NLRP1: variants seen among roughly 807,000 people sequenced by gnomAD.
NLRP1 encodes NLR family pyrin domain containing 1, also known as NACHT, LRR and PYD domains-containing protein 1.
A neutral mutation model predicts 136.7 loss-of-function variants in NLRP1; 94 were observed. The observed-to-expected ratio is 0.69, with a 90% CI of 0.58 to 0.82. The LOEUF (loss-of-function observed/expected upper bound fraction) is 0.82. Ranked by LOEUF, NLRP1 falls within the 40% of genes least tolerant of loss-of-function variation. The pLI, the probability that NLRP1 is intolerant of heterozygous loss-of-function variation, is 0.00. For synonymous variants in NLRP1, 690 were observed against 725.1 expected (o/e 0.95, Z 0.78); for missense variants, 1,575 against 1,802.7 (o/e 0.87, Z 2.29).
chr17:5,559,639 T>C lies in NLRP1; in HGVS notation c.1057A>G (p.Arg353Gly), dbSNP rs1914501914. 7 of 1,614,170 alleles carry C rather than the reference T, an allele frequency of 4.3e-6. No homozygotes were observed. Among genetic ancestry groups the C allele is most frequent in the Non-Finnish European group, 5.9e-6 (7 of 1,180,020 alleles). The change falls in exon 4 of 17, where the codon AGA (arginine) becomes GGA (glycine). Residue 353 changes from arginine to glycine, a missense_variant. Coordinates refer to ENST00000572272, the MANE Select transcript of NLRP1 (RefSeq NM_033004.4). ...AAGCGGTCCCCATACAGCTGGCCTC[T>C]CCCCCAGGCTTCCTTCACCTGCCTG... ...LARQVKEAWGRGQLYGDRFQH... is the reference protein window; with the variant it reads ...LARQVKEAWGGGQLYGDRFQH...
rs1905933299 is a variant in NLRP1, at chr17:5,583,488, G to A, written c.271+199C>T. On this transcript the variant is annotated intron_variant, in intron 1 of 16. Coordinates refer to ENST00000572272, the MANE Select transcript of NLRP1 (RefSeq NM_033004.4). This position sits in a 1 kb window ranked among gnomAD's most constrained non-coding sequence, Gnocchi z 4.5. ...ATAGAAGAGGGTGTGGGGCTCTGAG[G>A]TGCAGCAAGGGCCCCCCCAGCAAGC... Among the ~76,000 whole-genome samples the A allele has an allele frequency of 1.3e-5, 2 of 152,134 alleles. No individual in the cohort carries two copies. The highest frequency in any genetic ancestry group is 2.4e-5 in the African/African-American group (1 of 41,428).
At chr17:5,518,176 A>C in intron 14 of NLRP1, 1 of 266,650 alleles carries the variant, frequency 3.8e-6, no homozygotes, top group Non-Finnish European at 7.2e-6. Context: ...CCAAACCCTC[A>C]TTTCTCCAGC....
At chr17:5,531,140 G>A (rs1232953997) in intron 11 of NLRP1, among the ~76,000 whole-genome samples, 12 of 131,200 alleles carry the variant, frequency 9.1e-5, no homozygotes, top group African/African-American at 3.0e-4. Context: ...GTCTTGTCTT[G>A]TCTGTCTATC....
At position 5,541,712 on chromosome 17, in the gene NLRP1, T is replaced by G; in HGVS notation, c.2699+145A>C. ...GTCCAAGGGTGGATGAGCTTCCTCC[T>G]GAGCCTCTACTGCCTGGCTGAGATC... is the stretch of plus-strand genomic sequence containing the variant. On this transcript the variant is annotated intron_variant, in intron 6 of 16. Coordinates refer to ENST00000572272, the MANE Select transcript of NLRP1 (RefSeq NM_033004.4). The surrounding 1 kb of genome is among the most constrained non-coding windows in gnomAD (Gnocchi z 4.2). The G allele has an allele frequency of 1.3e-6, 1 of 779,192 alleles. No individual in the cohort carries two copies. The highest frequency in any genetic ancestry group is 2.1e-6 in the Non-Finnish European group (1 of 487,380). The allele number at this position is 779,192 out of a possible 1,614,324, so 48.3% of individuals were successfully genotyped here. A position where few individuals can be genotyped will look rare whatever the true frequency, so the allele number is the denominator to read the frequency against.
intron 5 of NLRP1, among the ~76,000 whole-genome samples, chr17:5,544,817 ATAGTC>A (rs1369631494): frequency 2.0e-5 from 3 of 151,910 alleles, no homozygotes; most frequent in Non-Finnish European, 4.4e-5. Context: ...GTTAGGGAGG[ATAGTC>A]TAGGTAAGAA....
In NLRP1 at chr17:5,565,667, TG is replaced by T. The variant is rs542223582; in HGVS notation, c.653-5625del. ...TTTTTGATGTGTTTTTGTCTGGTTT[TG>T]GTATTAAGGTAATACTGGCCTCAGA... On this transcript the variant is annotated intron_variant, in intron 3 of 16. Coordinates refer to ENST00000572272, the MANE Select transcript of NLRP1 (RefSeq NM_033004.4). Among the ~76,000 whole-genome samples the T allele has an allele frequency of 1.9e-3, 287 of 152,364 alleles. 1 individual carries two copies. Among genetic ancestry groups the T allele is most frequent in the African/African-American group, 6.7e-3 (278 of 41,590 alleles).
In NLRP1 at chr17:5,583,229, A is replaced by C. The variant is rs569790357; in HGVS notation, c.272-383T>G. On this transcript the variant is annotated intron_variant, in intron 1 of 16. Transcript: ENST00000572272. This position sits in a 1 kb window ranked among gnomAD's most constrained non-coding sequence, Gnocchi z 4.5. ...CAGCAATGGGAGATCTTATTTATTG[A>C]GCACTTACTGTATATCAGACTCTGT... Among the ~76,000 whole-genome samples, 1 of 152,264 alleles carries C rather than the reference A, an allele frequency of 6.6e-6. No individual in the cohort carries two copies. Among genetic ancestry groups the C allele is most frequent in the African/African-American group, 2.4e-5 (1 of 41,522 alleles).
chr17:5,530,116 C>T (rs909849708), intron 12 of NLRP1: 13 of 461,110 alleles, frequency 2.8e-5, no homozygotes, highest in East Asian at 6.7e-5. Flanking sequence ...CAACATTCTT[C>T]GTTAGTTCAC....
chr17:5,512,294 C>G, downstream of NLRP1: 3 of 1,516,998 alleles, frequency 2.0e-6, no homozygotes, highest in Non-Finnish European at 2.7e-6. Context: ...TCTCCACAGA[C>G]AAAACATTCT....
rs1913372827 is a variant in NLRP1 at position 5,551,657 on chromosome 17, A to AG, written c.2528+1728dup. Among the ~76,000 whole-genome samples, 3 of 152,210 alleles carry AG rather than the reference A, an allele frequency of 2.0e-5. No homozygotes were observed. The South Asian group carries it at 6.2e-4, about 32-fold the overall frequency. ...TGCATTCCCACCAACAATGAATGAG[A>AG]GTTCCTGTTTTTCCACATCCTCGTC... On this transcript the variant is annotated intron_variant, in intron 5 of 16. Transcript: ENST00000572272.
At chr17:5,547,959 T>C (rs928049399) in intron 5 of NLRP1, among the ~76,000 whole-genome samples, 2 of 152,206 alleles carry the variant, frequency 1.3e-5, no homozygotes, top group Non-Finnish European at 2.9e-5. Flanking sequence ...TGATCCTTCA[T>C]TGGCAGTATC....
chr17:5,542,860 C>T (rs907705137), intron 5 of NLRP1, among the ~76,000 whole-genome samples: 11 of 150,998 alleles, frequency 7.3e-5, no homozygotes, highest in Non-Finnish European at 1.3e-4. Context: ...GATGGAGTCT[C>T]GCTCTTTCAC....
chr17:5,574,265 T>G (rs944981590), intron 3 of NLRP1, among the ~76,000 whole-genome samples: 13 of 151,732 alleles, frequency 8.6e-5, no homozygotes, highest in Non-Finnish European at 1.6e-4. Context: ...GAAAAAAGAG[T>G]AAAAAGAAAC....
downstream of NLRP1, among the ~76,000 whole-genome samples, chr17:5,509,704 T>C (rs57010704): frequency 0.29 from 43,978 of 152,016 alleles, 6,652 homozygotes; most frequent in African/African-American, 0.38. Flanking sequence ...GGGGTTTTGC[T>C]ATGTTGGCCA....
Position 5,514,873 on chromosome 17 carries a change from A to G in NLRP1, c.4303T>C (p.Ser1435Pro). ...CCATCTTTGCACTTCCGGTCCCAGG[A>G]CTGGCTCAAGCTGAACAGCTTCCGC... ...QMRKLFSLSQSWDRKCKDGLY... is the reference protein window; with the variant it reads ...QMRKLFSLSQPWDRKCKDGLY... The change falls in exon 17 of 17, where the codon TCC (serine) becomes CCC (proline). Residue 1435 changes from serine (S) to proline (P), a missense_variant. By Grantham distance (74) the Ser-to-Pro change is moderately conservative (BLOSUM62 -1). Transcript: ENST00000572272. The G allele has an allele frequency of 1.2e-6, 2 of 1,614,086 alleles. No individual in the cohort carries two copies. Among genetic ancestry groups the G allele is most frequent in the Middle Eastern group, 3.3e-4 (2 of 6,062 alleles).
chr17:5,560,427 A>T (rs1451681340), intron 3 of NLRP1, among the ~76,000 whole-genome samples: 4 of 152,070 alleles, frequency 2.6e-5, no homozygotes, highest in Non-Finnish European at 5.9e-5. Context: ...TGGGGGTTGT[A>T]GGTCATGGAG....
At chr17:5,507,236 T>G (rs1002825097) in intron 15 of NLRP1, among the ~76,000 whole-genome samples, 3 of 152,168 alleles carry the variant, frequency 2.0e-5, no homozygotes, top group Non-Finnish European at 4.4e-5. Context: ...ATAAACTATA[T>G]TATAGATATA....
chr17:5,513,487 G>T (rs1026933780), downstream of NLRP1, among the ~76,000 whole-genome samples: 4 of 152,110 alleles, frequency 2.6e-5, no homozygotes, highest in Non-Finnish European at 2.9e-5. Context: ...TCAGGTGTTC[G>T]GACGGTTCAA....
At chr17:5,547,512 T>C (rs1047551363) in intron 5 of NLRP1, among the ~76,000 whole-genome samples, 6 of 152,226 alleles carry the variant, frequency 3.9e-5, no homozygotes, top group African/African-American at 1.2e-4. Context: ...TGGAAATAGT[T>C]GTCCCTGCTC....
Sources: allele counts gnomAD v4.1 joint callset (sites outside exome capture counted in the v4.1 genomes callset), GRCh38; gene constraint gnomAD v4.1.1; non-coding constraint Gnocchi (gnomAD v3.1); transcripts MANE v1.5; gene names NCBI Gene and HGNC (gene_info 2026-07-23, HGNC 2026-07-21).